Variants in DST observed in about 807,000 individuals in gnomAD.
DST encodes the protein dystonin.
DST carries 253 observed loss-of-function variants against 875.2 expected under a neutral mutation model. The observed-to-expected ratio is 0.29, with a 90% CI of 0.26 to 0.32. The LOEUF (loss-of-function observed/expected upper bound fraction) is 0.32, where lower values mean the gene tolerates loss of function less well. Ranked by LOEUF, DST falls within the 10% of genes least tolerant of loss-of-function variation. The pLI, the probability that DST is intolerant of heterozygous loss-of-function variation, is 1.00. For synonymous variants in DST, 3,124 were observed against 3,197.1 expected, an observed-to-expected ratio of 0.98 and a Z score of 0.77; for missense variants, 8,287 against 9,111.6, an observed-to-expected ratio of 0.91 and a Z score of 3.68.
intron 3 of DST, among the ~76,000 whole-genome samples, chr6:56,866,883 C>T (rs1162918423): frequency 6.6e-6 from 1 of 152,226 alleles, no homozygotes; most frequent in Non-Finnish European, 1.5e-5. Flanking sequence ...AACTAGCACA[C>T]AGTTTGTATG....
At chr6:56,698,931 T>C (rs1034820874) in intron 9 of DST, among the ~76,000 whole-genome samples, 5 of 152,190 alleles carry the variant, frequency 3.3e-5, no homozygotes, top group Admixed American at 6.5e-5. Context: ...CAGTACCCAA[T>C]AGGTAGTTTT....
At chr6:56,731,786 G>T (rs553604711) in intron 5 of DST, among the ~76,000 whole-genome samples, 21 of 152,140 alleles carry the variant, frequency 1.4e-4, no homozygotes, top group Admixed American at 5.2e-4. Flanking sequence ...CAGTCATAGA[G>T]TAATATTTCT....
chr6:56,551,309 T>C (rs1178454541), intron 61 of DST, among the ~76,000 whole-genome samples: 1 of 152,240 alleles, frequency 6.6e-6, no homozygotes, highest in East Asian at 1.9e-4. Flanking sequence ...TTATTCTTTA[T>C]GCACTAATGG....
intron 69 of DST, 140 bp from the exon 70 acceptor site, chr6:56,517,760 G>T (rs1242566672): frequency 4.0e-6 from 4 of 1,005,904 alleles, no homozygotes; most frequent in Non-Finnish European, 5.6e-6. Flanking sequence ...AAAATAATTC[G>T]TGATAATGAC....
Position 56,501,567 on chromosome 6 carries a change from G to A in DST, c.19693C>T (p.Leu6565=), listed in dbSNP as rs1427245753. The change falls in exon 79 of 104, where the codon CTG becomes TTG. Residue 6565 remains leucine (L), a synonymous_variant. Coordinates refer to ENST00000680361, the MANE Select transcript of DST (RefSeq NM_001374736.1). ...TCCAGGCTATCCCATATCAATTTCA[G>A]TTCCATTAATGGGTCTTGAACAGTG... ...KHTVQDPLME[L]KLIWDSLEER... is the part of the protein sequence containing the mutation. 3.1e-6 allele frequency: 5 copies of A among 1,606,312 alleles called. No individual in the cohort carries two copies. Among genetic ancestry groups the A allele is most frequent in the South Asian group, 1.1e-5 (1 of 89,924 alleles).
intron 9 of DST, among the ~76,000 whole-genome samples, chr6:56,680,879 C>A (rs1236797416): frequency 6.6e-6 from 1 of 152,190 alleles, no homozygotes; most frequent in Non-Finnish European, 1.5e-5. Context: ...GTAAAACTAA[C>A]CATGTATTGA....
At chr6:56,645,612 T>C (rs2098937691) in intron 15 of DST, among the ~76,000 whole-genome samples, 1 of 152,176 alleles carries the variant, frequency 6.6e-6, no homozygotes, top group Non-Finnish European at 1.5e-5. Context: ...TTTGACTGGT[T>C]TTAAAACTGT....
At chr6:56,838,064 C>T (rs2099795800) in intron 4 of DST, among the ~76,000 whole-genome samples, 1 of 152,008 alleles carries the variant, frequency 6.6e-6, no homozygotes, top group Non-Finnish European at 1.5e-5. Flanking sequence ...GAAATGGACA[C>T]AGAAGTCTTT....
At chr6:56,615,807 G>C in intron 36 of DST, 2 of 1,613,950 alleles carry the variant, frequency 1.2e-6, no homozygotes, top group Non-Finnish European at 1.7e-6. Context: ...TCCAAACATC[G>C]GATTCCCATT....
chr6:56,680,956 T>C (rs1360079506), intron 9 of DST, among the ~76,000 whole-genome samples: 2 of 152,204 alleles, frequency 1.3e-5, no homozygotes, highest in African/African-American at 4.8e-5. Flanking sequence ...CTTTACAATA[T>C]ACAATATCAT....
In DST at chr6:56,504,043, A is replaced by G. The variant is rs771306241; in HGVS notation, c.19520T>C (p.Ile6507Thr). Residue 6507 changes from isoleucine (I) to threonine (T), a missense_variant, in exon 78 of 104, where the codon ATT becomes ACT. By Grantham distance (89) the Ile-to-Thr change is moderately conservative. Coordinates refer to ENST00000680361, the MANE Select transcript of DST (RefSeq NM_001374736.1). ...CTTGACAGTTTCGAGATCTGTTCCA[A>G]TTGGAGACATTGAAGCTAATTTACC... is the stretch of plus-strand genomic sequence containing the variant. The part of the protein sequence containing the change: ...AGGKLASMSP[I>T]GTDLETVKQQ... 8.1e-6 allele frequency: 13 copies of G among 1,609,368 alleles called. No homozygotes were observed. Among genetic ancestry groups the G allele is most frequent in the Middle Eastern group, 1.6e-4 (1 of 6,064 alleles).
Position 56,642,778 on chromosome 6 carries a change from C to G in DST, c.1779-275G>C, listed in dbSNP as rs2098919327. 8.1e-6 allele frequency: 13 copies of G among 1,614,016 alleles called. No homozygotes were observed. The highest frequency in any genetic ancestry group is 1.1e-5 in the Non-Finnish European group (13 of 1,179,936). The stretch of plus-strand genomic sequence containing the variant: ...ATCACTGCTACGGTAACTATAACTA[C>G]TACTGTGCATTTTTATTCCTGAAAC... On this transcript the variant is annotated intron_variant, in intron 15 of 103. Coordinates refer to ENST00000680361, the MANE Select transcript of DST (RefSeq NM_001374736.1).
intron 58 of DST, among the ~76,000 whole-genome samples, chr6:56,559,623 A>G (rs4715634): frequency 0.15 from 22,753 of 152,052 alleles, 2,220 homozygotes; most frequent in East Asian, 0.31. Context: ...TCCAAATGAA[A>G]CTATGAAGTG....
At position 56,605,730 on chromosome 6, in the gene DST, C is replaced by T; in HGVS notation, c.8898G>A (p.Gly2966=). 1.2e-6 allele frequency: 2 copies of T among 1,612,828 alleles called. No individual in the cohort carries two copies. The highest frequency in any genetic ancestry group is 2.2e-5 in the South Asian group (2 of 91,054). ...LANTKVKLIQ[G]SELPELTDSV... ...AATCAGTCAATTCTGGCAATTCTGA[C>T]CCTTGAATCAACTTAACCTTTGTGT... Residue 2966 remains glycine (G), a synonymous_variant, in exon 40 of 104, where the codon GGG becomes GGA. Transcript: ENST00000680361.
At chr6:56,595,781 CCCCA>C (rs2098367245) in intron 47 of DST, among the ~76,000 whole-genome samples, 1 of 145,346 alleles carries the variant, frequency 6.9e-6, no homozygotes, top group African/African-American at 2.9e-5. Flanking sequence ...CATATGCTAC[CCCCA>C]CCCCACCCCG....
intron 80 of DST, among the ~76,000 whole-genome samples, chr6:56,498,586 T>G (rs1000499979): frequency 6.6e-6 from 1 of 152,142 alleles, no homozygotes; most frequent in Non-Finnish European, 1.5e-5. Context: ...AATTTCTCAC[T>G]TGGTTCAAGC....
chr6:56,527,598 G>C lies in DST; in HGVS notation c.17817C>G (p.His5939Gln). 6.2e-7 allele frequency: 1 copy of C among 1,613,784 alleles called. No homozygotes were observed. Among genetic ancestry groups the C allele is most frequent in the Non-Finnish European group, 8.5e-7 (1 of 1,179,826 alleles). ...LQLARRLHST[H>Q]EELCTWLDKV... ...TGTCCAGCCAGGTACACAGCTCTTC[G>C]TGTGTGGAGTGCAGCCGCCTTGCAA... is the stretch of plus-strand genomic sequence containing the variant. The change falls in exon 68 of 104, where the codon CAC becomes CAG. Residue 5939 changes from histidine (H) to glutamine (Q), a missense_variant. Transcript: ENST00000680361.
intron 2 of DST, among the ~76,000 whole-genome samples, chr6:56,916,778 T>TCTCTCTCA (rs1470233953): frequency 3.7e-4 from 34 of 91,344 alleles, no homozygotes; most frequent in African/African-American, 8.7e-4. Flanking sequence ...TCTCTCTCTC[T>TCTCTCTCA]CACACACACA....
intron 3 of DST, among the ~76,000 whole-genome samples, chr6:56,880,746 A>ATCTG (rs1210249493): frequency 7.3e-5 from 11 of 150,546 alleles, no homozygotes; most frequent in African/African-American, 2.7e-4. Context: ...TTTTCAACTT[A>ATCTG]TCTGGTTCCA....
Sources: gnomAD v4.1 joint callset for allele counts (sites outside exome capture counted in the v4.1 genomes callset) on GRCh38, gnomAD v4.1.1 for gene constraint, MANE v1.5 for transcripts, NCBI Gene and HGNC (gene_info 2026-07-23, HGNC 2026-07-21) for gene names.